Variants in SYNCRIP observed in about 807,000 individuals in gnomAD.
SYNCRIP encodes heterogeneous nuclear ribonucleoprotein Q.
A neutral mutation model predicts 68.9 loss-of-function variants in SYNCRIP; 9 were observed. That is an observed-to-expected ratio of 0.13 (90% CI 0.08 to 0.23). The LOEUF is 0.23. SYNCRIP is among the 10% of genes least tolerant of loss of function. The pLI, the probability that SYNCRIP is intolerant of heterozygous loss-of-function variation, is 1.00. For synonymous variants in SYNCRIP, 258 were observed against 254.0 expected, an observed-to-expected ratio of 1.02 and a Z score of -0.15; for missense variants, 414 against 770.6, an observed-to-expected ratio of 0.54 and a Z score of 5.48.
At chr6:85,613,036 C>A, downstream of SYNCRIP, 1 of 1,250,502 alleles carries the variant, frequency 8.0e-7, no homozygotes, top group Non-Finnish European at 1.1e-6. Context: ...TCTAAATATA[C>A]TGTCTAGCCA....
At chr6:85,611,740 A>T (rs550267231), downstream of SYNCRIP, 2 of 152,554 alleles carry the variant, frequency 1.3e-5, no homozygotes, top group African/African-American at 4.8e-5. Flanking sequence ...CATGACCTGC[A>T]TAAGAAATGG....
rs1562087709 is a variant in SYNCRIP, at chr6:85,623,573, A to AAAAAAAAAAAAAAC, written c.802+403_802+404insGTTTTTTTTTTTTT. Among the ~76,000 whole-genome samples the AAAAAAAAAAAAAAC allele has an allele frequency of 1.3e-4, 20 of 149,622 alleles. 1 individual carries two copies. In the East Asian group the frequency reaches 2.6e-3, roughly 20 times the overall value. ...AGCAAGACTGTCTCCAAAAAAAAAA[A>AAAAAAAAAAAAAAC]AAAAAAAAAACACTCTGCTACGGCA... On this transcript the variant is annotated intron_variant, in intron 7 of 10. Coordinates refer to ENST00000369622, the MANE Select transcript of SYNCRIP (RefSeq NM_006372.5).
At chr6:85,637,888 G>A (rs1040546542) in intron 4 of SYNCRIP, among the ~76,000 whole-genome samples, 10 of 152,104 alleles carry the variant, frequency 6.6e-5, no homozygotes, top group Non-Finnish European at 1.5e-4. Context: ...TGACATTTAC[G>A]TGCCATATTT....
At chr6:85,629,715 G>C (rs955618575) in intron 6 of SYNCRIP, among the ~76,000 whole-genome samples, 1 of 151,820 alleles carries the variant, frequency 6.6e-6, no homozygotes, top group Non-Finnish European at 1.5e-5. Context: ...CCAGCTACTC[G>C]GGAGGCTGAG....
Position 85,622,697 on chromosome 6 carries a change from A to C in SYNCRIP, c.803-10T>G. 1 of 1,611,200 alleles carries C rather than the reference A, an allele frequency of 6.2e-7. No individual in the cohort carries two copies. Among genetic ancestry groups the C allele is most frequent in the Non-Finnish European group, 8.5e-7 (1 of 1,177,720 alleles). On this transcript the variant is annotated splice_polypyrimidine_tract_variant and intron_variant, in intron 7 of 10. Coordinates refer to ENST00000369622, the MANE Select transcript of SYNCRIP (RefSeq NM_006372.5). Reference sequence around the variant, plus strand: ...ACGTCTGTAAGACCCTCTGCAAGTAAGCAACCATTCCAGGAAAATTAGATG... The same window carrying C: ...ACGTCTGTAAGACCCTCTGCAAGTACGCAACCATTCCAGGAAAATTAGATG...
intron 10 of SYNCRIP, 69 bp from the exon 11 acceptor site, chr6:85,615,416 T>C (rs1805659315): frequency 6.0e-6 from 6 of 1,004,582 alleles, no homozygotes; most frequent in East Asian, 2.7e-5. Flanking sequence ...CATTTAGCCA[T>C]TTGTAACAGT....
At chr6:85,608,220 A>T (rs575195812), downstream of SYNCRIP, 1 of 152,206 alleles carries the variant, frequency 6.6e-6, no homozygotes, top group South Asian at 2.1e-4. Context: ...ATGGATAATC[A>T]AAGGGCGACA....
At chr6:85,637,386 T>A in intron 4 of SYNCRIP, 30 bp from the exon 5 acceptor site, 1 of 1,404,928 alleles carries the variant, frequency 7.1e-7, no homozygotes, top group South Asian at 1.2e-5. Flanking sequence ...ATTAATACAT[T>A]TAATTCACTA....
intron 7 of SYNCRIP, 85 bp from the exon 8 acceptor site, chr6:85,622,772 T>C: frequency 9.5e-7 from 1 of 1,056,488 alleles, no homozygotes; most frequent in East Asian, 2.4e-5. Flanking sequence ...AAGATACTAC[T>C]TAAATATCAA....
chr6:85,627,780 A>G (rs889836654), intron 6 of SYNCRIP, among the ~76,000 whole-genome samples: 1 of 152,204 alleles, frequency 6.6e-6, no homozygotes, highest in Non-Finnish European at 1.5e-5. Context: ...GCTCAGTACC[A>G]CAGCTGAGAT....
chr6:85,615,841 C>T (rs1163357821), intron 10 of SYNCRIP, among the ~76,000 whole-genome samples: 1 of 152,186 alleles, frequency 6.6e-6, no homozygotes, highest in Non-Finnish European at 1.5e-5. Flanking sequence ...AATTGCATTT[C>T]TGCTAAGATT....
In SYNCRIP at chr6:85,640,524, T is replaced by C; in HGVS notation, c.189A>G (p.Glu63=). The C allele has an allele frequency of 6.2e-7, 1 of 1,606,560 alleles. No homozygotes were observed. The highest frequency in any genetic ancestry group is 8.5e-7 in the Non-Finnish European group (1 of 1,177,776). ...AHSDLDERAI[E]ALKEFNEDGA... ...CGTCTTCATTGAATTCTTTTAAAGC[T>C]TCAATAGCTCTTTCATCTAAATCAC... The change falls in exon 3 of 11, where the codon GAA becomes GAG. Residue 63 remains glutamate (E), a synonymous_variant. Coordinates refer to ENST00000369622, the MANE Select transcript of SYNCRIP (RefSeq NM_006372.5).
chr6:85,618,118 G>C (rs1805982227), intron 10 of SYNCRIP, among the ~76,000 whole-genome samples: 1 of 152,120 alleles, frequency 6.6e-6, no homozygotes, highest in African/African-American at 2.4e-5. Context: ...AGTCTATCAT[G>C]AATAGAGATT....
intron 6 of SYNCRIP, among the ~76,000 whole-genome samples, chr6:85,636,070 T>C (rs569962310): frequency 1.3e-5 from 2 of 152,308 alleles, no homozygotes; most frequent in South Asian, 2.1e-4. Context: ...TCTTCAACTA[T>C]AAAATGCAGA....
upstream of SYNCRIP, among the ~76,000 whole-genome samples, chr6:85,643,470 G>A (rs1319440796): frequency 6.6e-6 from 1 of 151,948 alleles, no homozygotes; most frequent in Admixed American, 6.5e-5. Context: ...TGGCGGCCGA[G>A]GGGCCGAGAC....
chr6:85,628,943 C>T (rs1016021192), intron 6 of SYNCRIP, among the ~76,000 whole-genome samples: 7 of 152,158 alleles, frequency 4.6e-5, no homozygotes, highest in Non-Finnish European at 1.5e-5. Context: ...ACCACTATGG[C>T]CTTTCATTTC....
chr6:85,637,103 T>G lies in SYNCRIP; in HGVS notation c.530A>C (p.Glu177Ala). 6.2e-7 allele frequency: 1 copy of G among 1,613,524 alleles called. No homozygotes were observed. The highest frequency in any genetic ancestry group is 8.5e-7 in the Non-Finnish European group (1 of 1,179,890). The change falls in exon 6 of 11, where the codon GAA becomes GCA. Residue 177 changes from glutamate (E) to alanine (A), a missense_variant. Physicochemically the swap from Glu to Ala is moderately radical, Grantham distance 107 (BLOSUM62 -1). This residue lies in a region of SYNCRIP where 110 missense variants were observed against 269.3 expected (regional missense o/e 0.41). Transcript: ENST00000369622. ...AGCTTTCTCAAATAATGGAACAAGT[T>G]CATCCTCAAATAGATCTCTTGGGAT... ...GKIPRDLFED[E>A]LVPLFEKAGP... is the part of the protein sequence containing the mutation.
chr6:85,642,324 T>G (rs1159418894), intron 1 of SYNCRIP, among the ~76,000 whole-genome samples: 1 of 152,096 alleles, frequency 6.6e-6, no homozygotes, highest in Admixed American at 6.5e-5. Flanking sequence ...TGGCGCGCTG[T>G]GCAGGTCCCC....
At chr6:85,642,417 C>T (rs1274517705) in intron 1 of SYNCRIP, among the ~76,000 whole-genome samples, 1 of 152,202 alleles carries the variant, frequency 6.6e-6, no homozygotes. Flanking sequence ...GGCTCAACGC[C>T]CGCGGGACCG....
Sources: gnomAD v4.1 joint callset for allele counts (sites outside exome capture counted in the v4.1 genomes callset) on GRCh38, gnomAD v4.1.1 for gene constraint, gnomAD v4.1.1 regional missense constraint, MANE v1.5 for transcripts, NCBI Gene and HGNC (gene_info 2026-07-23, HGNC 2026-07-21) for gene names.